SLC6A13: variants seen among roughly 807,000 people sequenced by gnomAD.
SLC6A13 encodes solute carrier family 6 member 13.
In SLC6A13, 69 loss-of-function variants were observed where a neutral mutation model predicts 72.9. The observed-to-expected ratio is 0.95, with a 90% CI of 0.78 to 1.16. SLC6A13 has a LOEUF of 1.16. SLC6A13 is among the 50% of genes most tolerant of loss of function. The pLI, the probability that SLC6A13 is intolerant of heterozygous loss-of-function variation, is 0.00. For missense variants in SLC6A13, 735 were observed against 760.5 expected (o/e 0.97, Z 0.39); for synonymous variants, 303 against 303.0 (o/e 1.00, Z 0.00).
rs1236708316 is a variant in SLC6A13, at chr12:242,658, G to A, written c.434C>T (p.Thr145Ile). Reference sequence around the variant, plus strand: ...GCAGCCGCCCCAGGGCAGGTCGATGGTGAAGCTGCTGAAGAGGTAGAACAG... The same window carrying A: ...GCAGCCGCCCCAGGGCAGGTCGATGATGAAGCTGCTGAAGAGGTAGAACAG... The part of the protein sequence containing the change: ...WALFYLFSSF[T>I]IDLPWGGCYH... The change falls in exon 4 of 15, where the codon ACC (threonine) becomes ATC (isoleucine). Residue 145 changes from threonine (T) to isoleucine (I), a missense_variant. Physicochemically the swap from Thr to Ile is moderately conservative, Grantham distance 89. Coordinates refer to ENST00000343164, the MANE Select transcript of SLC6A13 (RefSeq NM_016615.5). 1 of 1,613,698 alleles carries A rather than the reference G, an allele frequency of 6.2e-7. No individual in the cohort carries two copies. The highest frequency in any genetic ancestry group is 1.7e-5 in the Admixed American group (1 of 59,956).
chr12:247,874 C>G (rs1411732516), intron 2 of SLC6A13, among the ~76,000 whole-genome samples: 4 of 151,900 alleles, frequency 2.6e-5, no homozygotes, highest in Non-Finnish European at 5.9e-5. Context: ...TAAAGTGGTA[C>G]ATTATCACTT....
intron 7 of SLC6A13, among the ~76,000 whole-genome samples, chr12:231,522 T>C (rs1269025883): frequency 6.6e-6 from 1 of 152,076 alleles, no homozygotes; most frequent in Non-Finnish European, 1.5e-5. Context: ...AACAAAGGCC[T>C]AGCTTCAGCA....
At chr12:229,159 C>T (rs1372334970) in intron 7 of SLC6A13, among the ~76,000 whole-genome samples, 1 of 152,060 alleles carries the variant, frequency 6.6e-6, no homozygotes, top group African/African-American at 2.4e-5. Flanking sequence ...GGGGCTGGAG[C>T]CAGGGAGGAA....
chr12:257,380 C>T (rs1156847443), intron 2 of SLC6A13: 1 of 152,444 alleles, frequency 6.6e-6, no homozygotes, highest in African/African-American at 2.4e-5. Flanking sequence ...CAGAACATTC[C>T]CCTCCAGCTG....
intron 7 of SLC6A13, among the ~76,000 whole-genome samples, chr12:231,107 C>T (rs536610231): frequency 6.6e-6 from 1 of 152,300 alleles, no homozygotes; most frequent in South Asian, 2.1e-4. Context: ...TGCAGTAGAA[C>T]AGGCACAGGG....
At chr12:224,705 G>C (rs888615762) in intron 9 of SLC6A13, among the ~76,000 whole-genome samples, 192 bp from the exon 10 acceptor site, 1 of 152,242 alleles carries the variant, frequency 6.6e-6, no homozygotes, top group Non-Finnish European at 1.5e-5. Context: ...GCATTTCCAA[G>C]GTACCTCTCA....
At chr12:225,598 C>T (rs1046841450) in intron 9 of SLC6A13, among the ~76,000 whole-genome samples, 32 of 151,400 alleles carry the variant, frequency 2.1e-4, no homozygotes, top group African/African-American at 6.1e-4. Flanking sequence ...TGCAGTGAGC[C>T]GAGATCATGT....
chr12:242,224 G>A (rs1188916049), intron 4 of SLC6A13, among the ~76,000 whole-genome samples: 4 of 152,100 alleles, frequency 2.6e-5, no homozygotes, highest in Non-Finnish European at 5.9e-5. Context: ...ATTTTCTCCC[G>A]CCTCTGCCAC....
Position 222,592 on chromosome 12 carries a change from C to T in SLC6A13, c.1455G>A (p.Gly485=). The change falls in exon 13 of 15, where the codon GGG becomes GGA. Residue 485 remains glycine (G), a synonymous_variant. Transcript: ENST00000343164. ...RFYDNIEDMI[G]YRPWPLIKYC... ...ATTTGATAAGAGGCCATGGCCTGTA[C>T]CCAATCATGTCTTCGATGTTGTCGT... 1 of 1,610,594 alleles carries T rather than the reference C, an allele frequency of 6.2e-7. No individual in the cohort carries two copies.
rs115682007 is a variant in SLC6A13 at position 248,156 on chromosome 12, C to T, written c.203-4343G>A. 3.5e-3 allele frequency among the ~76,000 whole-genome samples: 525 copies of T among 151,954 alleles called. 4 individuals carry two copies. The highest frequency in any genetic ancestry group is 0.012 in the African/African-American group (497 of 41,456). On this transcript the variant is annotated intron_variant, in intron 2 of 14. Transcript: ENST00000343164. ...ATTAAATGCAAATGGTCTAAACGTCCCAAATAAAAGGCAGAGATTGTTAGA... is the reference window on the plus strand; with the variant it reads ...ATTAAATGCAAATGGTCTAAACGTCTCAAATAAAAGGCAGAGATTGTTAGA...
Position 242,735 on chromosome 12 carries a change from C to A in SLC6A13, c.357G>T (p.Gln119His). ...PIFEGIGYAS[Q>H]MIVILLNVYY... ...AGACGTTGAGGAGGATGACGATCAT[C>A]TGGGAGGCATAGCCAATGCCTGCGG... Residue 119 changes from glutamine to histidine, a missense_variant, in exon 4 of 15, where the codon CAG becomes CAT. Coordinates refer to ENST00000343164, the MANE Select transcript of SLC6A13 (RefSeq NM_016615.5). 17 of 1,592,932 alleles carry A rather than the reference C, an allele frequency of 1.1e-5. No individual in the cohort carries two copies. Among genetic ancestry groups the A allele is most frequent in the Non-Finnish European group, 1.4e-5 (16 of 1,169,210 alleles).
intron 7 of SLC6A13, among the ~76,000 whole-genome samples, chr12:228,836 T>TC (rs1374118611): frequency 2.0e-5 from 3 of 152,178 alleles, no homozygotes; most frequent in Admixed American, 2.0e-4. Flanking sequence ...AGACACTGAA[T>TC]CCCTAGGCCT....
chr12:261,209 C>T (rs1942916227), intron 1 of SLC6A13, among the ~76,000 whole-genome samples: 1 of 152,200 alleles, frequency 6.6e-6, no homozygotes. Flanking sequence ...ATTTAGTTAG[C>T]AACTACTATA....
At chr12:250,829 CCCCCAAAAAA>C (rs1186369680) in intron 2 of SLC6A13, among the ~76,000 whole-genome samples, 6 of 6,004 alleles carry the variant, frequency 1.0e-3, no homozygotes, top group Non-Finnish European at 5.3e-3. Context: ...CCAAAATAGC[CCCCCAAAAAA>C]AAAAAAAAAA....
chr12:244,018 C>T (rs1942263429), intron 2 of SLC6A13, among the ~76,000 whole-genome samples: 1 of 152,174 alleles, frequency 6.6e-6, no homozygotes, highest in Non-Finnish European at 1.5e-5. Context: ...CAGCCTCTTG[C>T]CTTTTTTCAC....
rs1942009289 is a variant in SLC6A13, at chr12:238,138, A to T, written c.479-128T>A. 1.4e-5 allele frequency: 22 copies of T among 1,548,302 alleles called. No individual in the cohort carries two copies. In the South Asian group the frequency reaches 2.1e-4, roughly 15 times the overall value. On this transcript the variant is annotated intron_variant, in intron 4 of 14. Transcript: ENST00000343164. ...ATTTGGCAGGAGCCAGGCTAAGGTTATCTGTACAAAACATCCTCCCACACG... is the reference window on the plus strand; with the variant it reads ...ATTTGGCAGGAGCCAGGCTAAGGTTTTCTGTACAAAACATCCTCCCACACG...
chr12:221,231 C>A, intron 14 of SLC6A13, 145 bp downstream of exon 14: 1 of 1,271,958 alleles, frequency 7.9e-7, no homozygotes, highest in African/African-American at 1.5e-5. Context: ...GACTTCTCAG[C>A]AGCCACTCTA....
intron 4 of SLC6A13, 120 bp from the exon 5 acceptor site, chr12:238,130 C>A: frequency 6.4e-7 from 1 of 1,551,772 alleles, no homozygotes; most frequent in Non-Finnish European, 8.7e-7. Flanking sequence ...AGGAGCCAGG[C>A]TAAGGTTATC....
chr12:253,261 C>T (rs775258345), intron 2 of SLC6A13, among the ~76,000 whole-genome samples: 1 of 152,188 alleles, frequency 6.6e-6, no homozygotes, highest in Non-Finnish European at 1.5e-5. Context: ...CAATTTCTTA[C>T]GGCATAAACT....
Sources: allele counts gnomAD v4.1 joint callset (sites outside exome capture counted in the v4.1 genomes callset), GRCh38; gene constraint gnomAD v4.1.1; transcripts MANE v1.5; gene names NCBI Gene and HGNC (gene_info 2026-07-23, HGNC 2026-07-21).